NLGN1: variants seen among roughly 807,000 people sequenced by gnomAD.
NLGN1 encodes neuroligin-1.
A neutral mutation model predicts 65.5 loss-of-function variants in NLGN1; 12 were observed. The observed-to-expected ratio is 0.18, with a 90% CI of 0.12 to 0.30. NLGN1 has a LOEUF of 0.30. Ranked by LOEUF, NLGN1 falls within the 10% of genes least tolerant of loss-of-function variation. The pLI is 1.00. For missense variants in NLGN1, 750 were observed against 1,007.1 expected (o/e 0.74, Z 3.46); for synonymous variants, 350 against 359.5 (o/e 0.97, Z 0.30).
intron 4 of NLGN1, among the ~76,000 whole-genome samples, chr3:174,216,434 A>C (rs1181158710): frequency 3.3e-5 from 5 of 152,118 alleles, no homozygotes; most frequent in African/African-American, 1.2e-4. Context: ...ATAGCTTTTG[A>C]ACACATACTA....
chr3:173,898,637 G>A (rs910825690), intron 4 of NLGN1, among the ~76,000 whole-genome samples: 1 of 152,210 alleles, frequency 6.6e-6, no homozygotes, highest in Non-Finnish European at 1.5e-5. Context: ...TGTTGTTGCT[G>A]TTGTTGGGTG....
downstream of NLGN1, among the ~76,000 whole-genome samples, chr3:174,287,398 G>A (rs530789340): frequency 2.5e-3 from 377 of 151,292 alleles, 1 homozygote; most frequent in African/African-American, 8.7e-3. Context: ...GGTCACATAT[G>A]GCCATGGGCA....
intron 3 of NLGN1, among the ~76,000 whole-genome samples, chr3:173,800,611 C>T (rs1211455337): frequency 6.7e-6 from 1 of 150,332 alleles, no homozygotes; most frequent in African/African-American, 2.4e-5. Context: ...TTTTCTTGAA[C>T]TGACTTTTGA....
intron 4 of NLGN1, among the ~76,000 whole-genome samples, chr3:174,251,828 G>A (rs1577595166): frequency 1.3e-5 from 2 of 152,138 alleles, no homozygotes; most frequent in African/African-American, 4.8e-5. Flanking sequence ...TGCTTTGCCT[G>A]AAGAGTAAAG....
chr3:174,234,273 G>C (rs1470227873), intron 4 of NLGN1, among the ~76,000 whole-genome samples: 1 of 152,138 alleles, frequency 6.6e-6, no homozygotes. Flanking sequence ...GAGAGATCAA[G>C]TGCACTGTTT....
chr3:173,408,455 C>A (rs1213104091), intron 1 of NLGN1, among the ~76,000 whole-genome samples: 1 of 152,140 alleles, frequency 6.6e-6, no homozygotes, highest in African/African-American at 2.4e-5. Flanking sequence ...TCAACACATC[C>A]CTCCTGACTC....
At chr3:174,031,136 T>G (rs2216461) in intron 4 of NLGN1, among the ~76,000 whole-genome samples, 39,541 of 152,014 alleles carry the variant, frequency 0.26, 6,037 homozygotes, top group African/African-American at 0.42. Flanking sequence ...CCTTCTTTGG[T>G]AGTATCTAAG....
intron 3 of NLGN1, among the ~76,000 whole-genome samples, chr3:173,671,164 A>T (rs991689369): frequency 6.6e-6 from 1 of 152,164 alleles, no homozygotes; most frequent in African/African-American, 2.4e-5. Flanking sequence ...ACTCTGAGCA[A>T]TTAGAAGAAG....
chr3:174,259,233 T>G (rs529254243), intron 4 of NLGN1, among the ~76,000 whole-genome samples: 1 of 152,256 alleles, frequency 6.6e-6, no homozygotes, highest in Admixed American at 6.5e-5. Flanking sequence ...TCTCTTTTTA[T>G]TATTTGTGTC....
intron 3 of NLGN1, among the ~76,000 whole-genome samples, chr3:173,622,755 A>G (rs1754207291): frequency 6.6e-6 from 1 of 152,112 alleles, no homozygotes; most frequent in Non-Finnish European, 1.5e-5. Context: ...ATTGCTGAGA[A>G]CTATTTTTTG....
intron 4 of NLGN1, among the ~76,000 whole-genome samples, chr3:173,862,455 G>T (rs1260547007): frequency 7.9e-6 from 1 of 126,718 alleles, no homozygotes; most frequent in Admixed American, 9.6e-5. Context: ...GCAGTGAGCC[G>T]AGATCCCGCC....
chr3:173,839,798 T>C (rs1267632505), intron 4 of NLGN1, among the ~76,000 whole-genome samples: 6 of 152,122 alleles, frequency 3.9e-5, no homozygotes, highest in Non-Finnish European at 5.9e-5. Flanking sequence ...CACTCAAACA[T>C]TAGCAGCAAT....
At chr3:174,018,011 G>T (rs1017517574) in intron 4 of NLGN1, among the ~76,000 whole-genome samples, 13 of 152,026 alleles carry the variant, frequency 8.6e-5, no homozygotes, top group Non-Finnish European at 1.5e-4. Context: ...TCCCTTATCT[G>T]CAACCATAAA....
At chr3:174,231,071 G>C (rs1481089454) in intron 4 of NLGN1, among the ~76,000 whole-genome samples, 1 of 152,154 alleles carries the variant, frequency 6.6e-6, no homozygotes, top group Admixed American at 6.5e-5. Context: ...AGTGAGTTCT[G>C]TCTACACCCA....
intron 3 of NLGN1, among the ~76,000 whole-genome samples, chr3:173,756,653 A>T (rs2150184688): frequency 6.7e-6 from 1 of 150,226 alleles, no homozygotes; most frequent in African/African-American, 2.4e-5. Context: ...AGGAAACAGA[A>T]CTTCTTACAA....
At chr3:174,108,150 C>G (rs1359417208) in intron 4 of NLGN1, among the ~76,000 whole-genome samples, 1 of 151,882 alleles carries the variant, frequency 6.6e-6, no homozygotes, top group Non-Finnish European at 1.5e-5. Flanking sequence ...TTGATAAATT[C>G]TATTGTATTG....
intron 4 of NLGN1, among the ~76,000 whole-genome samples, chr3:173,826,823 G>A (rs747886168): frequency 3.9e-5 from 6 of 152,046 alleles, no homozygotes; most frequent in Non-Finnish European, 8.8e-5. Context: ...TTTATTCATT[G>A]CCTATGAGGT....
intron 4 of NLGN1, among the ~76,000 whole-genome samples, chr3:174,147,419 C>CTTTTTTTTTTTTTTTTTTTTTTT (rs574298501): frequency 2.8e-5 from 1 of 36,252 alleles, no homozygotes; most frequent in African/African-American, 9.0e-5. Context: ...TGGCTCATGG[C>CTTTTTTTTTTTTTTTTTTTTTTT]TTTTTTTTTT....
At chr3:173,853,367 A>C (rs1727349460) in intron 4 of NLGN1, among the ~76,000 whole-genome samples, 1 of 152,208 alleles carries the variant, frequency 6.6e-6, no homozygotes, top group Non-Finnish European at 1.5e-5. Flanking sequence ...GCTTCAGTGC[A>C]TCTGAAAGTC....
Sources: allele counts gnomAD v4.1 joint callset (sites outside exome capture counted in the v4.1 genomes callset), GRCh38; gene constraint gnomAD v4.1.1; transcripts MANE v1.5; gene names NCBI Gene and HGNC (gene_info 2026-07-23, HGNC 2026-07-21).